ADAMTS2: variants seen among roughly 807,000 people sequenced by gnomAD.
ADAMTS2 encodes the protein A disintegrin and metalloproteinase with thrombospondin motifs 2.
In ADAMTS2, 50 loss-of-function variants were observed where a neutral mutation model predicts 123.0. The ratio of observed to expected loss-of-function variants is 0.41; its 90% CI spans 0.32 to 0.51. The LOEUF (loss-of-function observed/expected upper bound fraction) is 0.51. ADAMTS2 is among the 20% of genes least tolerant of loss of function. ADAMTS2 has a pLI of 0.35. For missense variants in ADAMTS2, 1,494 were observed against 1,705.2 expected (o/e 0.88, Z 2.18); for synonymous variants, 678 against 695.4 (o/e 0.98, Z 0.39).
At chr5:179,281,326 C>A (rs1766898633) in intron 2 of ADAMTS2, among the ~76,000 whole-genome samples, 1 of 152,226 alleles carries the variant, frequency 6.6e-6, no homozygotes, top group Non-Finnish European at 1.5e-5. Flanking sequence ...TTGGCAGTCA[C>A]TCCCCATGTT....
At chr5:179,284,599 C>T (rs1755964645) in intron 2 of ADAMTS2, among the ~76,000 whole-genome samples, 1 of 152,084 alleles carries the variant, frequency 6.6e-6, no homozygotes, top group Non-Finnish European at 1.5e-5. Flanking sequence ...GTTGGCCAGG[C>T]TGGTCTCGAA....
chr5:179,254,406 T>C (rs959602559), intron 3 of ADAMTS2, among the ~76,000 whole-genome samples: 1 of 152,174 alleles, frequency 6.6e-6, no homozygotes, highest in Non-Finnish European at 1.5e-5. Context: ...GAGTGACTGC[T>C]CTGGGTGCAG....
chr5:179,121,997 C>CT (rs1762772584), intron 20 of ADAMTS2: 1 of 366,950 alleles, frequency 2.7e-6, no homozygotes, highest in Non-Finnish European at 4.9e-6. Flanking sequence ...CAGGCCCTGC[C>CT]GCCTCCTTTT....
chr5:179,312,771 G>A lies in ADAMTS2; in HGVS notation c.534+30996C>T, dbSNP rs1406527400. ...ACGAGGACCTGGAAGAGCCCAGGAC[G>A]CATCCTCCCCTAGAGGCTCCGGAGG... On this transcript the variant is annotated intron_variant, in intron 2 of 21. Transcript: ENST00000251582. The surrounding 1 kb of genome is among the most constrained non-coding windows in gnomAD (Gnocchi z 4.2). Among the ~76,000 whole-genome samples the A allele has an allele frequency of 2.0e-5, 3 of 152,216 alleles. No individual in the cohort carries two copies. The highest frequency in any genetic ancestry group is 2.1e-4 in the South Asian group (1 of 4,834).
In ADAMTS2 at chr5:179,345,281, CA is replaced by C; in HGVS notation, c.47del (p.Leu16ArgfsTer149). The C allele has an allele frequency of 8.7e-7, 1 of 1,154,988 alleles. No homozygotes were observed. The allele number at this position is 1,154,988 out of a possible 1,614,324, so 71.5% of individuals were successfully genotyped here. On this transcript the variant is annotated frameshift_variant, in exon 1 of 22. Coordinates refer to ENST00000251582, the MANE Select transcript of ADAMTS2 (RefSeq NM_014244.5). LOFTEE classifies it high-confidence loss of function. This position sits in a 1 kb window ranked among gnomAD's most constrained non-coding sequence, Gnocchi z 7.5. Reference protein sequence around the residue: ...GAARRLLCPALLLLLLLLPPP... With the variant: ...GAARRLLCPAXLLLLLLLPPP... ...GCGGCAGCAGCAGCAGCAGCAGCAGCAGCGCGGGGCAGAGCAGGCGGCGAGC... is the reference window on the plus strand; with the variant it reads ...GCGGCAGCAGCAGCAGCAGCAGCAGCGCGCGGGGCAGAGCAGGCGGCGAGC...
At chr5:179,205,706 C>T (rs139343377) in intron 4 of ADAMTS2, among the ~76,000 whole-genome samples, 148 of 152,170 alleles carry the variant, frequency 9.7e-4, no homozygotes, top group African/African-American at 3.2e-3. Context: ...AGCATGGGCC[C>T]GGCACAGTCA....
At position 179,332,882 on chromosome 5, in the gene ADAMTS2, G is replaced by A. The variant is rs2127459937; in HGVS notation, c.534+10885C>T. ...CCCCCACCTTGCCCTGATCAGGTCTGCAGGATCAGTGCTCAACGCCCATGG... is the reference window on the plus strand; with the variant it reads ...CCCCCACCTTGCCCTGATCAGGTCTACAGGATCAGTGCTCAACGCCCATGG... On this transcript the variant is annotated intron_variant, in intron 2 of 21. Transcript: ENST00000251582. This position sits in a 1 kb window ranked among gnomAD's most constrained non-coding sequence, Gnocchi z 4.2. Among the ~76,000 whole-genome samples the A allele has an allele frequency of 6.6e-6, 1 of 152,246 alleles. No individual in the cohort carries two copies. The highest frequency in any genetic ancestry group is 1.5e-5 in the Non-Finnish European group (1 of 67,990).
At chr5:179,207,471 A>AGCCCC in intron 4 of ADAMTS2, 42 bp downstream of exon 4, 2 of 1,026,470 alleles carry the variant, frequency 1.9e-6, no homozygotes, top group African/African-American at 1.6e-5. Flanking sequence ...CCCCTGGTTG[A>AGCCCC]CCCTCCCCGC....
At chr5:179,315,748 C>T (rs966254118) in intron 2 of ADAMTS2, among the ~76,000 whole-genome samples, 3 of 152,202 alleles carry the variant, frequency 2.0e-5, no homozygotes, top group Admixed American at 6.5e-5. Flanking sequence ...AGCACAAACG[C>T]CACTGGAGAG....
chr5:179,213,634 T>C (rs982112238), intron 3 of ADAMTS2, among the ~76,000 whole-genome samples: 13 of 151,962 alleles, frequency 8.6e-5, no homozygotes, highest in Non-Finnish European at 1.6e-4. Context: ...GGAGCAAAAG[T>C]GTGGTGGCAG....
chr5:179,207,116 A>G (rs904199708), intron 4 of ADAMTS2, among the ~76,000 whole-genome samples: 1 of 152,216 alleles, frequency 6.6e-6, no homozygotes, highest in Non-Finnish European at 1.5e-5. Flanking sequence ...ATGTCTTACT[A>G]TTATATTAGC....
At chr5:179,161,947 G>A (rs935934778) in intron 5 of ADAMTS2, among the ~76,000 whole-genome samples, 9 of 152,128 alleles carry the variant, frequency 5.9e-5, no homozygotes, top group African/African-American at 1.7e-4. Context: ...ACTAATAAGC[G>A]CTTTTGCTAG....
At chr5:179,239,031 ATGT>A (rs1765598955) in intron 3 of ADAMTS2, among the ~76,000 whole-genome samples, 1 of 152,138 alleles carries the variant, frequency 6.6e-6, no homozygotes, top group African/African-American at 2.4e-5. Flanking sequence ...GAGGGAGAAG[ATGT>A]TGTGAATATA....
chr5:179,265,698 G>A (rs369267387), intron 3 of ADAMTS2, among the ~76,000 whole-genome samples: 156 of 152,274 alleles, frequency 1.0e-3, no homozygotes, highest in African/African-American at 3.4e-3. Flanking sequence ...GCCGGCCCCC[G>A]CCCACCCCTT....
chr5:179,329,198 G>A (rs1440134763), intron 2 of ADAMTS2, among the ~76,000 whole-genome samples: 3 of 151,986 alleles, frequency 2.0e-5, no homozygotes, highest in Admixed American at 6.6e-5. Context: ...GTGGTGGCGG[G>A]CGCCTGTAGT....
At chr5:179,269,507 C>A (rs900206472) in intron 3 of ADAMTS2, among the ~76,000 whole-genome samples, 3 of 152,152 alleles carry the variant, frequency 2.0e-5, no homozygotes. Context: ...ACCCTCAGAT[C>A]TCGTGAGACC....
chr5:179,149,808 G>A (rs1667759805), intron 10 of ADAMTS2, among the ~76,000 whole-genome samples: 1 of 152,126 alleles, frequency 6.6e-6, no homozygotes, highest in Non-Finnish European at 1.5e-5. Context: ...GATCTAGGTC[G>A]GTTCCAGCCT....
At chr5:179,300,627 G>C (rs781066027) in intron 2 of ADAMTS2, among the ~76,000 whole-genome samples, 9 of 152,140 alleles carry the variant, frequency 5.9e-5, no homozygotes, top group Admixed American at 3.9e-4. Context: ...TGTGGCTCTA[G>C]CAGTAAGCAT....
chr5:179,140,322 C>T (rs956676290), intron 10 of ADAMTS2, among the ~76,000 whole-genome samples: 1 of 149,392 alleles, frequency 6.7e-6, no homozygotes, highest in Non-Finnish European at 1.5e-5. Context: ...AGCTGCACCA[C>T]ATGACGCCGC....
Sources: allele counts gnomAD v4.1 joint callset (sites outside exome capture counted in the v4.1 genomes callset), GRCh38; gene constraint gnomAD v4.1.1; non-coding constraint Gnocchi (gnomAD v3.1); transcripts MANE v1.5; gene names NCBI Gene and HGNC (gene_info 2026-07-23, HGNC 2026-07-21).